The following GLCCI1 variants were observed in gnomAD, a reference collection of about 807,000 sequenced individuals.
GLCCI1 encodes the protein glucocorticoid induced 1.
GLCCI1 carries 24 observed loss-of-function variants against 52.2 expected under a neutral mutation model. The ratio of observed to expected loss-of-function variants is 0.46; its 90% CI spans 0.33 to 0.65. The LOEUF (loss-of-function observed/expected upper bound fraction) is 0.65, where lower values mean the gene tolerates loss of function less well. Among genes scored for constraint, GLCCI1 ranks in the 30% least tolerant of loss-of-function variants. GLCCI1 has a pLI of 0.02. For synonymous variants in GLCCI1, 310 were observed against 276.5 expected, an observed-to-expected ratio of 1.12 and a Z score of -1.20; for missense variants, 704 against 701.5, an observed-to-expected ratio of 1.00 and a Z score of -0.04.
Position 8,073,507 on chromosome 7 carries a change from GT to G in GLCCI1, c.1177+2383del, listed in dbSNP as rs1267170838. Among the ~76,000 whole-genome samples, 7 of 151,616 alleles carry G rather than the reference GT, an allele frequency of 4.6e-5. No individual in the cohort carries two copies. The East Asian group carries it at 1.4e-3, about 29-fold the overall frequency. The stretch of plus-strand genomic sequence containing the variant: ...CTAATTTCTTTATATTCATCCTCTT[GT>G]TTTTTTAATATGTAAAATGAGAACA... On this transcript the variant is annotated intron_variant, in intron 6 of 7. Transcript: ENST00000223145.
At chr7:8,061,544 G>T (rs1289072339) in intron 5 of GLCCI1, among the ~76,000 whole-genome samples, 1 of 151,442 alleles carries the variant, frequency 6.6e-6, no homozygotes, top group Non-Finnish European at 1.5e-5. Context: ...CCTCCCAAAA[G>T]GTTGTACTAT....
intron 3 of GLCCI1, among the ~76,000 whole-genome samples, chr7:8,034,955 C>A (rs1242507346): frequency 6.6e-6 from 1 of 152,166 alleles, no homozygotes; most frequent in Non-Finnish European, 1.5e-5. Context: ...GCTTACCCTC[C>A]CTGTGGACCC....
intron 1 of GLCCI1, among the ~76,000 whole-genome samples, chr7:7,982,783 C>T (rs1780647615): frequency 6.6e-6 from 1 of 152,070 alleles, no homozygotes; most frequent in Non-Finnish European, 1.5e-5. Flanking sequence ...ATTTTTATTG[C>T]TGTATTGTAT....
chr7:8,029,362 T>C (rs1781696736), intron 3 of GLCCI1, among the ~76,000 whole-genome samples: 1 of 152,198 alleles, frequency 6.6e-6, no homozygotes, highest in African/African-American at 2.4e-5. Context: ...ATCATTTCAA[T>C]TGATGCTGAA....
intron 3 of GLCCI1, among the ~76,000 whole-genome samples, chr7:8,039,739 G>A (rs1376724995): frequency 1.3e-5 from 2 of 152,206 alleles, no homozygotes. Context: ...GCCCACGCCT[G>A]TAATTCCAGC....
chr7:8,054,286 T>C (rs1782335283), intron 3 of GLCCI1, among the ~76,000 whole-genome samples: 1 of 152,042 alleles, frequency 6.6e-6, no homozygotes, highest in Admixed American at 6.5e-5. Flanking sequence ...AAGAAAATTA[T>C]GTCAGTTCAA....
At chr7:7,990,849 G>A (rs1237469639) in intron 1 of GLCCI1, among the ~76,000 whole-genome samples, 1 of 152,046 alleles carries the variant, frequency 6.6e-6, no homozygotes, top group Non-Finnish European at 1.5e-5. Flanking sequence ...TCATTCTGTT[G>A]AGTCTGTTTA....
chr7:8,037,274 C>T (rs953601822), intron 3 of GLCCI1, among the ~76,000 whole-genome samples: 15 of 152,226 alleles, frequency 9.9e-5, no homozygotes, highest in East Asian at 9.6e-4. Context: ...CTGTCAGCCA[C>T]GAATTTTGTA....
Position 8,086,373 on chromosome 7 carries a change from C to T in GLCCI1, c.1479C>T (p.Thr493=), listed in dbSNP as rs200305021. 12 of 1,614,126 alleles carry T rather than the reference C, an allele frequency of 7.4e-6. No individual in the cohort carries two copies. The highest frequency in any genetic ancestry group is 3.3e-5 in the South Asian group (3 of 91,070). The change falls in exon 8 of 8, where the codon ACC becomes ACT. Residue 493 remains threonine (T), a synonymous_variant. Coordinates refer to ENST00000223145, the MANE Select transcript of GLCCI1 (RefSeq NM_138426.4). This position sits in a 1 kb window ranked among gnomAD's most constrained non-coding sequence, Gnocchi z 4.4. Reference sequence around the variant, plus strand: ...AGAGCTCAGCTTTGGCAACTCTGACCGTTGAGCAGCTCTCATCCCGGGTTT... The same window carrying T: ...AGAGCTCAGCTTTGGCAACTCTGACTGTTGAGCAGCTCTCATCCCGGGTTT... The part of the protein sequence containing the change: ...SGQSSALATL[T]VEQLSSRVSF...
intron 2 of GLCCI1, among the ~76,000 whole-genome samples, chr7:8,015,077 C>T (rs1781349459): frequency 6.6e-6 from 1 of 152,146 alleles, no homozygotes; most frequent in African/African-American, 2.4e-5. Context: ...CAGATCCAGA[C>T]TAAGTAGTTA....
chr7:8,052,687 C>G (rs75176653), intron 3 of GLCCI1, among the ~76,000 whole-genome samples: 2 of 152,294 alleles, frequency 1.3e-5, no homozygotes, highest in African/African-American at 2.4e-5. Context: ...TTCCAGCTAC[C>G]TCTGATGGTT....
chr7:8,084,890 T>C lies in GLCCI1; in HGVS notation c.1178-7T>C. The stretch of plus-strand genomic sequence containing the variant: ...CACTAGTTAATATAACTGCTTTAAA[T>C]TTACAGACAGTGGGAGTAGCTCACC... On this transcript the variant is annotated splice_region_variant and splice_polypyrimidine_tract_variant and intron_variant, in intron 6 of 7. Transcript: ENST00000223145. 3 of 1,611,792 alleles carry C rather than the reference T, an allele frequency of 1.9e-6. No individual in the cohort carries two copies. The highest frequency in any genetic ancestry group is 1.1e-5 in the South Asian group (1 of 90,448).
At chr7:7,992,043 T>C (rs1021964047) in intron 1 of GLCCI1, among the ~76,000 whole-genome samples, 10 of 128,820 alleles carry the variant, frequency 7.8e-5, no homozygotes, top group East Asian at 2.2e-4. Context: ...AGAATTTATT[T>C]TTTCTTTCTT....
At chr7:7,993,788 G>GAAAA (rs5882149) in intron 1 of GLCCI1, among the ~76,000 whole-genome samples, 1 of 147,730 alleles carries the variant, frequency 6.8e-6, no homozygotes. Context: ...GTTACATCCT[G>GAAAA]AAAAAAAAAA....
intron 1 of GLCCI1, among the ~76,000 whole-genome samples, chr7:7,974,698 A>T (rs1193291123): frequency 6.6e-6 from 1 of 152,158 alleles, no homozygotes; most frequent in Non-Finnish European, 1.5e-5. Flanking sequence ...AAAATTCTAA[A>T]AGTCTGTTTT....
At chr7:8,074,244 T>A (rs372059477) in intron 6 of GLCCI1, among the ~76,000 whole-genome samples, 1 of 20,962 alleles carries the variant, frequency 4.8e-5, no homozygotes, top group Non-Finnish European at 1.2e-4. Context: ...CTATTATAAA[T>A]ACACTATTAT....
chr7:7,992,992 C>G (rs997340437), intron 1 of GLCCI1, among the ~76,000 whole-genome samples: 1 of 152,072 alleles, frequency 6.6e-6, no homozygotes, highest in African/African-American at 2.4e-5. Context: ...TTTTTCATCA[C>G]TGTTGTCATT....
rs1250889548 is a variant in GLCCI1, at chr7:8,087,834, G to A, written c.*1296G>A. On this transcript the variant is annotated 3_prime_UTR_variant, in exon 8 of 8. Coordinates refer to ENST00000223145, the MANE Select transcript of GLCCI1 (RefSeq NM_138426.4). The stretch of plus-strand genomic sequence containing the variant: ...TAGTTTTGAAATTTGCAACCTGTGA[G>A]GTAGAGCATAAACTCAAGAAAATAG... The A allele has an allele frequency of 6.6e-6, 1 of 152,566 alleles. No homozygotes were observed. Among genetic ancestry groups the A allele is most frequent in the Non-Finnish European group, 1.5e-5 (1 of 68,022 alleles). The allele number at this position is 152,566 out of a possible 1,614,324, so 9.5% of individuals were successfully genotyped here.
At chr7:8,083,064 T>C (rs1783030927) in intron 6 of GLCCI1, among the ~76,000 whole-genome samples, 1 of 152,220 alleles carries the variant, frequency 6.6e-6, no homozygotes. Flanking sequence ...GGCTAAGTTA[T>C]GTCCAGCAGT....
Sources: gnomAD v4.1 joint callset for allele counts (sites outside exome capture counted in the v4.1 genomes callset) on GRCh38, gnomAD v4.1.1 for gene constraint, Gnocchi (gnomAD v3.1) non-coding constraint, MANE v1.5 for transcripts, NCBI Gene and HGNC (gene_info 2026-07-23, HGNC 2026-07-21) for gene names.